The following CSMD1 variants were observed in gnomAD, a reference collection of about 807,000 sequenced individuals.
The protein encoded by CSMD1 is CUB and Sushi multiple domains 1, also known as CUB and sushi domain-containing protein 1.
A neutral mutation model predicts 417.5 loss-of-function variants in CSMD1; 213 were observed. The observed-to-expected ratio is 0.51, with a 90% CI of 0.46 to 0.57. The LOEUF (loss-of-function observed/expected upper bound fraction) is 0.57. Ranked by LOEUF, CSMD1 falls within the 20% of genes least tolerant of loss-of-function variation. CSMD1 has a pLI of 0.00. For synonymous variants in CSMD1, 2,862 were observed against 1,736.8 expected (o/e 1.65, Z -16.11); for missense variants, 6,923 against 4,529.7 (o/e 1.53, Z -15.17).
intron 1 of CSMD1, among the ~76,000 whole-genome samples, chr8:4,728,539 T>C (rs973776816): frequency 6.6e-6 from 1 of 152,150 alleles, no homozygotes; most frequent in Non-Finnish European, 1.5e-5. Context: ...TCCCAATCTT[T>C]AGCTTATTTG....
chr8:3,021,650 C>CTCCGGAATGCACCTGCAATCCCACAGCG (rs1809405698), intron 51 of CSMD1, among the ~76,000 whole-genome samples: 1 of 150,786 alleles, frequency 6.6e-6, no homozygotes, highest in African/African-American at 2.4e-5. Flanking sequence ...ATCCCAAAGC[C>CTCCGGAATGCACCTGCAATCCCACAGCG]TCCGGAATGC....
At position 3,532,712 on chromosome 8, in the gene CSMD1, T is replaced by A. The variant is rs577242771; in HGVS notation, c.1345-38986A>T. Among the ~76,000 whole-genome samples the A allele has an allele frequency of 1.0e-3, 155 of 152,318 alleles. 1 individual carries two copies. Among genetic ancestry groups the A allele is most frequent in the African/African-American group, 3.7e-3 (153 of 41,564 alleles). On this transcript the variant is annotated intron_variant, in intron 10 of 69. Coordinates refer to ENST00000635120, the MANE Select transcript of CSMD1 (RefSeq NM_033225.6). ...TCATCCTTATTCCAAACAATTTGCTTAAAATAACACTTTCAGTATGTCATA... is the reference window on the plus strand; with the variant it reads ...TCATCCTTATTCCAAACAATTTGCTAAAAATAACACTTTCAGTATGTCATA...
At chr8:3,887,369 T>A (rs1806636186) in intron 5 of CSMD1, among the ~76,000 whole-genome samples, 1 of 152,138 alleles carries the variant, frequency 6.6e-6, no homozygotes, top group Non-Finnish European at 1.5e-5. Flanking sequence ...AATCAACAGC[T>A]CTTTCCAGAT....
chr8:4,283,442 A>C (rs1284604948), intron 3 of CSMD1, among the ~76,000 whole-genome samples: 1 of 152,206 alleles, frequency 6.6e-6, no homozygotes, highest in African/African-American at 2.4e-5. Context: ...AGGATTTCCA[A>C]ATGCAAATTA....
chr8:4,080,355 A>G (rs566695127), intron 3 of CSMD1, among the ~76,000 whole-genome samples: 158 of 151,064 alleles, frequency 1.0e-3, no homozygotes, highest in African/African-American at 3.7e-3. Context: ...AAGGTGAAGC[A>G]AAATCTACAC....
chr8:4,876,642 G>C (rs896640860), intron 1 of CSMD1, among the ~76,000 whole-genome samples: 1 of 152,024 alleles, frequency 6.6e-6, no homozygotes, highest in African/African-American at 2.4e-5. Context: ...TTTAGGAAAA[G>C]CACAATGCAA....
chr8:4,220,744 CAG>C (rs1354842331), intron 3 of CSMD1, among the ~76,000 whole-genome samples: 2 of 152,186 alleles, frequency 1.3e-5, no homozygotes, highest in Non-Finnish European at 1.5e-5. Flanking sequence ...ATGAGAAAGA[CAG>C]AGAAACAGGG....
At chr8:4,556,203 G>A (rs1163866194) in intron 2 of CSMD1, among the ~76,000 whole-genome samples, 2 of 152,090 alleles carry the variant, frequency 1.3e-5, no homozygotes, top group African/African-American at 4.8e-5. Context: ...ATTTTATTAT[G>A]GGGATACTTT....
chr8:3,939,997 CA>C (rs1196426461), intron 5 of CSMD1, among the ~76,000 whole-genome samples: 1 of 151,800 alleles, frequency 6.6e-6, no homozygotes, highest in African/African-American at 2.4e-5. Flanking sequence ...ACCTGTACCC[CA>C]AAAACTACTG....
chr8:3,449,431 G>C (rs572975898), intron 12 of CSMD1, among the ~76,000 whole-genome samples: 2 of 152,176 alleles, frequency 1.3e-5, no homozygotes, highest in African/African-American at 4.8e-5. Context: ...CCATGCCTAA[G>C]GATGTCCTGG....
intron 53 of CSMD1, 127 bp downstream of exon 53, chr8:2,999,831 G>T: frequency 1.3e-6 from 1 of 783,920 alleles, no homozygotes; most frequent in Non-Finnish European, 1.9e-6. Flanking sequence ...CTTTGTATAG[G>T]CAAAACTGAA....
intron 3 of CSMD1, among the ~76,000 whole-genome samples, chr8:4,177,296 A>G (rs532357721): frequency 7.4e-4 from 113 of 152,242 alleles, no homozygotes; most frequent in African/African-American, 2.5e-3. Context: ...CCGCTCAACT[A>G]CATGGAAACT....
intron 42 of CSMD1, among the ~76,000 whole-genome samples, chr8:3,114,078 CA>C (rs971815979): frequency 1.8e-4 from 27 of 151,608 alleles, no homozygotes; most frequent in Non-Finnish European, 3.4e-4. Flanking sequence ...AACAAACAAA[CA>C]AACAAAAAAC....
intron 3 of CSMD1, among the ~76,000 whole-genome samples, chr8:4,165,005 T>G (rs1056231775): frequency 1.3e-5 from 2 of 152,192 alleles, no homozygotes; most frequent in Non-Finnish European, 2.9e-5. Flanking sequence ...CCTATGTTCT[T>G]GTATGTTTTT....
chr8:3,843,088 C>G (rs1803240039), intron 5 of CSMD1, among the ~76,000 whole-genome samples: 1 of 152,090 alleles, frequency 6.6e-6, no homozygotes. Context: ...GTATCGTTTT[C>G]TCTTTTTATT....
At chr8:3,997,679 C>T (rs1407883685) in intron 5 of CSMD1, among the ~76,000 whole-genome samples, 1 of 152,162 alleles carries the variant, frequency 6.6e-6, no homozygotes, top group African/African-American at 2.4e-5. Context: ...TTCAAGCACA[C>T]AGATGACTTC....
intron 41 of CSMD1, among the ~76,000 whole-genome samples, chr8:3,136,092 T>C (rs545754896): frequency 6.6e-6 from 1 of 152,242 alleles, no homozygotes; most frequent in African/African-American, 2.4e-5. Flanking sequence ...TCCTGGATCT[T>C]TGTCCCCCCC....
At chr8:4,207,655 C>T (rs773994994) in intron 3 of CSMD1, among the ~76,000 whole-genome samples, 6 of 151,942 alleles carry the variant, frequency 3.9e-5, no homozygotes, top group Admixed American at 6.6e-5. Context: ...TTATGTATTC[C>T]TACATAAATT....
At chr8:3,774,371 AT>A (rs889655737) in intron 5 of CSMD1, among the ~76,000 whole-genome samples, 1 of 152,098 alleles carries the variant, frequency 6.6e-6, no homozygotes, top group Admixed American at 6.6e-5. Context: ...GATGTCTGTC[AT>A]CTCCCCGGGA....
Sources: allele counts gnomAD v4.1 joint callset (sites outside exome capture counted in the v4.1 genomes callset), GRCh38; gene constraint gnomAD v4.1.1; transcripts MANE v1.5; gene names NCBI Gene and HGNC (gene_info 2026-07-23, HGNC 2026-07-21).